Variants in DTNA observed in about 807,000 individuals in gnomAD.
DTNA encodes dystrophin-related protein 3.
A neutral mutation model predicts 100.7 loss-of-function variants in DTNA; 43 were observed. The observed-to-expected ratio is 0.43, with a 90% CI of 0.33 to 0.55. DTNA has a LOEUF of 0.55. Among genes scored for constraint, DTNA ranks in the 20% least tolerant of loss-of-function variants. The pLI, the probability that DTNA is intolerant of heterozygous loss-of-function variation, is 0.04. For missense variants in DTNA, 798 were observed against 953.9 expected (o/e 0.84, Z 2.15); for synonymous variants, 349 against 347.9 (o/e 1.00, Z -0.04).
At chr18:34,854,493 C>A (rs1296052432) in intron 15 of DTNA, among the ~76,000 whole-genome samples, 1 of 152,090 alleles carries the variant, frequency 6.6e-6, no homozygotes, top group Non-Finnish European at 1.5e-5. Context: ...ACAGAAAGAG[C>A]TAAAGAAGAA....
intron 3 of DTNA, among the ~76,000 whole-genome samples, chr18:34,791,881 A>G (rs918327323): frequency 8.5e-5 from 13 of 152,172 alleles, no homozygotes; most frequent in African/African-American, 3.1e-4. Context: ...GCCCCATTTC[A>G]TAGATGAAGG....
At chr18:34,684,875 G>C (rs1351153425) in intron 1 of DTNA, among the ~76,000 whole-genome samples, 1 of 152,172 alleles carries the variant, frequency 6.6e-6, no homozygotes, top group Non-Finnish European at 1.5e-5. Flanking sequence ...TTGTGGTTTT[G>C]ATTTGCATTT....
chr18:34,765,827 T>G, intron 2 of DTNA, 134 bp from the exon 3 acceptor site: 1 of 886,138 alleles, frequency 1.1e-6, no homozygotes, highest in Middle Eastern at 3.0e-4. Context: ...GTTCAAGTCT[T>G]AAAGTTATAT....
chr18:34,517,469 G>GTGTGTGTGTGTT, intron 1 of DTNA, among the ~76,000 whole-genome samples: 1 of 151,644 alleles, frequency 6.6e-6, no homozygotes, highest in Non-Finnish European at 1.5e-5. Flanking sequence ...ACGTGTGTGT[G>GTGTGTGTGTGTT]TGTGTGTGTG....
intron 1 of DTNA, among the ~76,000 whole-genome samples, chr18:34,692,711 A>G (rs1025431951): frequency 1.3e-5 from 2 of 152,224 alleles, no homozygotes; most frequent in African/African-American, 4.8e-5. Flanking sequence ...GTGGTTCTGC[A>G]AACTATTTAT....
At chr18:34,584,187 A>G (rs1210923710) in intron 1 of DTNA, among the ~76,000 whole-genome samples, 1 of 152,120 alleles carries the variant, frequency 6.6e-6, no homozygotes, top group Non-Finnish European at 1.5e-5. Flanking sequence ...TCGGTGAAAC[A>G]ACTCAGCTTT....
At chr18:34,774,940 A>G (rs1408214355) in intron 3 of DTNA, among the ~76,000 whole-genome samples, 1 of 152,342 alleles carries the variant, frequency 6.6e-6, no homozygotes, top group South Asian at 2.1e-4. Flanking sequence ...GCTTTCACAT[A>G]TATCTCAAAT....
intron 1 of DTNA, among the ~76,000 whole-genome samples, chr18:34,598,974 TG>T (rs1403695447): frequency 6.6e-6 from 1 of 152,240 alleles, no homozygotes; most frequent in Non-Finnish European, 1.5e-5. Context: ...ATATAGTTGA[TG>T]GGAACCAGAG....
intron 3 of DTNA, among the ~76,000 whole-genome samples, chr18:34,788,554 C>T (rs1029111301): frequency 4.6e-5 from 7 of 152,136 alleles, no homozygotes; most frequent in African/African-American, 7.2e-5. Context: ...GCCACTGCCC[C>T]GGTTCCTGCA....
intron 1 of DTNA, among the ~76,000 whole-genome samples, chr18:34,698,573 C>G (rs1393726537): frequency 1.3e-5 from 2 of 152,124 alleles, no homozygotes; most frequent in Non-Finnish European, 2.9e-5. Flanking sequence ...AGATACACAA[C>G]TAATAGGATA....
intron 1 of DTNA, among the ~76,000 whole-genome samples, chr18:34,577,521 G>A (rs1256569001): frequency 2.0e-5 from 3 of 152,124 alleles, no homozygotes; most frequent in African/African-American, 7.2e-5. Context: ...CTTTAGTAGT[G>A]ATTTGTGAGA....
chr18:34,642,804 A>C (rs921811223), intron 1 of DTNA, among the ~76,000 whole-genome samples: 1 of 151,988 alleles, frequency 6.6e-6, no homozygotes, highest in Non-Finnish European at 1.5e-5. Flanking sequence ...TGATCTGTCC[A>C]CCTCGACCTC....
intron 11 of DTNA, among the ~76,000 whole-genome samples, chr18:34,834,876 C>T (rs2096104054): frequency 6.6e-6 from 1 of 152,296 alleles, no homozygotes; most frequent in South Asian, 2.1e-4. Context: ...CAAACCATAG[C>T]AATCACTATT....
rs2096963001 is a variant in DTNA, at chr18:34,891,220, A to G, written c.*3486A>G. On this transcript the variant is annotated 3_prime_UTR_variant, in exon 23 of 23. Coordinates refer to ENST00000444659, the MANE Select transcript of DTNA (RefSeq NM_001386795.1). ...CACAATATTCATTGGTATTGTAAAA[A>G]AAAAATACTATTGTATGGATTTTTG... 6.6e-6 allele frequency: 1 copy of G among 152,588 alleles called. No individual in the cohort carries two copies. The allele number at this position is 152,588 out of a possible 1,614,324, so 9.5% of individuals were successfully genotyped here. A position where few individuals can be genotyped will look rare whatever the true frequency, so the allele number is the denominator to read the frequency against.
intron 15 of DTNA, 97 bp downstream of exon 15, chr18:34,852,025 A>G: frequency 8.2e-7 from 1 of 1,226,380 alleles, no homozygotes; most frequent in Non-Finnish European, 1.2e-6. Context: ...TACACCCTGT[A>G]TGGCTACTCA....
At chr18:34,570,725 A>G (rs2047506140) in intron 1 of DTNA, among the ~76,000 whole-genome samples, 1 of 152,232 alleles carries the variant, frequency 6.6e-6, no homozygotes, top group Admixed American at 6.5e-5. Flanking sequence ...AGCAGTTTTT[A>G]AAGACCTGCG....
intron 1 of DTNA, among the ~76,000 whole-genome samples, chr18:34,670,135 C>CT (rs2076539516): frequency 6.6e-6 from 1 of 152,122 alleles, no homozygotes; most frequent in Admixed American, 6.6e-5. Context: ...TCTTTTTATG[C>CT]TTTTTTCTCT....
intron 1 of DTNA, among the ~76,000 whole-genome samples, chr18:34,511,061 A>G (rs965631586): frequency 1.3e-5 from 2 of 152,218 alleles, no homozygotes; most frequent in Non-Finnish European, 2.9e-5. Context: ...CTTCTCTGAA[A>G]GACAAAGCCA....
intron 3 of DTNA, among the ~76,000 whole-genome samples, chr18:34,790,356 C>T (rs9945858): frequency 0.034 from 4,053 of 117,614 alleles, 552 homozygotes; most frequent in African/African-American, 0.13. Context: ...GTATAAAACC[C>T]GGAGACAGGG....
Sources: gnomAD v4.1 joint callset for allele counts (sites outside exome capture counted in the v4.1 genomes callset) on GRCh38, gnomAD v4.1.1 for gene constraint, MANE v1.5 for transcripts, NCBI Gene and HGNC (gene_info 2026-07-23, HGNC 2026-07-21) for gene names.